Variants in DYNC2I1 observed in about 807,000 individuals in gnomAD.
The protein encoded by DYNC2I1 is cytoplasmic dynein 2 intermediate chain 1.
In DYNC2I1, 89 loss-of-function variants were observed where a neutral mutation model predicts 133.4. The ratio of observed to expected loss-of-function variants is 0.67; its 90% confidence interval spans 0.56 to 0.80. DYNC2I1 has a LOEUF of 0.80. Ranked by LOEUF, DYNC2I1 falls within the 30% of genes least tolerant of loss-of-function variation. The pLI is 0.00. For missense variants in DYNC2I1, 1,291 were observed against 1,314.5 expected (o/e 0.98, Z 0.28); for synonymous variants, 504 against 484.3 (o/e 1.04, Z -0.54).
Position 158,856,617 on chromosome 7 carries a change from C to T in DYNC2I1, c.-119C>T, listed in dbSNP as rs1841252810. The stretch of plus-strand genomic sequence containing the variant: ...TGGGCCCTCTGCTGCTCCTGCTTGT[C>T]GGTTGCTAGGCGCTGGGACGCGCCT... On this transcript the variant is annotated 5_prime_UTR_variant, in exon 1 of 25. Transcript: ENST00000407559. 18 of 1,070,378 alleles carry T rather than the reference C, an allele frequency of 1.7e-5. 1 individual carries two copies. The East Asian group carries it at 1.9e-4, about 12-fold the overall frequency. The allele number at this position is 1,070,378 out of a possible 1,614,324, so 66.3% of individuals were successfully genotyped here.
chr7:158,851,287 C>A, the DYNC2I1 span, among the ~76,000 whole-genome samples: 1 of 152,076 alleles, frequency 6.6e-6, no homozygotes, highest in Non-Finnish European at 1.5e-5. Flanking sequence ...AATCACAGCA[C>A]TTTGGGAGGC....
At chr7:158,879,586 T>A in intron 4 of DYNC2I1, 98 bp from the exon 5 acceptor site, 2 of 1,281,332 alleles carry the variant, frequency 1.6e-6, no homozygotes, top group Non-Finnish European at 2.1e-6. Context: ...TGATCCGTGG[T>A]TGGTTGGATC....
intron 3 of DYNC2I1, among the ~76,000 whole-genome samples, chr7:158,874,509 T>C (rs1229337973): frequency 6.6e-6 from 1 of 152,260 alleles, no homozygotes; most frequent in Non-Finnish European, 1.5e-5. Flanking sequence ...TGCCTGCTCA[T>C]TTTTTCAGTG....
At chr7:158,883,658 CTTTTTTTT>C (rs762388455) in intron 5 of DYNC2I1, among the ~76,000 whole-genome samples, 1 of 86,160 alleles carries the variant, frequency 1.2e-5, no homozygotes, top group African/African-American at 5.0e-5. Flanking sequence ...CCAGTGACTT[CTTTTTTTT>C]TTTTTTTTTT....
At chr7:158,931,015 G>A (rs540701982) in intron 21 of DYNC2I1, among the ~76,000 whole-genome samples, 98 of 152,262 alleles carry the variant, frequency 6.4e-4, no homozygotes, top group Admixed American at 2.0e-3. Context: ...CAGCTTCCAG[G>A]TGTAGAGCTA....
intron 11 of DYNC2I1, among the ~76,000 whole-genome samples, chr7:158,910,967 G>A (rs1355871395): frequency 6.7e-6 from 1 of 149,938 alleles, no homozygotes; most frequent in Admixed American, 6.6e-5. Context: ...GCGATTGGCT[G>A]TTTCAGGCCT....
chr7:158,906,551 C>T lies in DYNC2I1; in HGVS notation c.1460+460C>T, dbSNP rs537251407. 5.3e-5 allele frequency among the ~76,000 whole-genome samples: 8 copies of T among 152,224 alleles called. No individual in the cohort carries two copies. In the South Asian group the frequency reaches 6.2e-4, roughly 12 times the overall value. ...TTGGCTCACTGCAACCTCTGCCTCCCGGGTTCAAGTGATTCTTCTGTCTCA... is the reference window on the plus strand; with the variant it reads ...TTGGCTCACTGCAACCTCTGCCTCCTGGGTTCAAGTGATTCTTCTGTCTCA... On this transcript the variant is annotated intron_variant, in intron 11 of 24. Coordinates refer to ENST00000407559, the MANE Select transcript of DYNC2I1 (RefSeq NM_018051.5).
At chr7:158,926,915 AT>A in intron 19 of DYNC2I1, 76 bp from the exon 20 acceptor site, 3 of 1,101,030 alleles carry the variant, frequency 2.7e-6, no homozygotes, top group Non-Finnish European at 4.0e-6. Context: ...CTCCATCTTA[AT>A]TAGAGCTATG....
chr7:158,862,738 C>G (rs1396462208), intron 1 of DYNC2I1, among the ~76,000 whole-genome samples: 1 of 151,974 alleles, frequency 6.6e-6, no homozygotes, highest in African/African-American at 2.4e-5. Flanking sequence ...AAGAATGAAG[C>G]CACAGACCCT....
chr7:158,924,695 G>A (rs1300973562), intron 17 of DYNC2I1, among the ~76,000 whole-genome samples: 6 of 151,872 alleles, frequency 4.0e-5, no homozygotes, highest in African/African-American at 1.2e-4. Flanking sequence ...ATTCAGCACC[G>A]TTTTCAAAAA....
rs770859924 is a variant in DYNC2I1 at position 158,945,599 on chromosome 7, G to A, written c.3021G>A (p.Ala1007=). ...CCTGCAGGCTGGTGGCCATGGCTGC[G>A]GTGGGTGAGCCTGAGAAGGCTGGTG... ...VSPNRLVAMA[A]VGEPEKAGGS... The change falls in exon 25 of 25, where the codon GCG becomes GCA. Residue 1007 remains alanine, a synonymous_variant. Transcript: ENST00000407559. The surrounding 1 kb of genome is among the most constrained non-coding windows in gnomAD (Gnocchi z 4.1). The A allele has an allele frequency of 1.2e-5, 20 of 1,606,740 alleles. No homozygotes were observed. Among genetic ancestry groups the A allele is most frequent in the East Asian group, 6.7e-5 (3 of 44,594 alleles).
At chr7:158,952,845 C>G (rs1454716831) in intron 4 of DYNC2I1, among the ~76,000 whole-genome samples, 1 of 151,712 alleles carries the variant, frequency 6.6e-6, no homozygotes, top group Non-Finnish European at 1.5e-5. Flanking sequence ...GGACTCTCCT[C>G]AGCACCCTTC....
intron 5 of DYNC2I1, among the ~76,000 whole-genome samples, chr7:158,883,201 T>C (rs774105355): frequency 2.8e-4 from 42 of 150,514 alleles, no homozygotes; most frequent in Admixed American, 5.3e-4. Flanking sequence ...TTTCTCTATA[T>C]GATATTTTTT....
At chr7:158,876,354 T>G (rs1843357716) in intron 3 of DYNC2I1, among the ~76,000 whole-genome samples, 1 of 152,138 alleles carries the variant, frequency 6.6e-6, no homozygotes, top group South Asian at 2.1e-4. Context: ...GGACTACATT[T>G]CAGCGTGAGA....
the DYNC2I1 span, among the ~76,000 whole-genome samples, chr7:158,849,877 C>A: frequency 6.6e-6 from 1 of 152,226 alleles, no homozygotes. Flanking sequence ...AAGGGCAGCC[C>A]AAAAGAGGCA....
At chr7:158,897,782 A>G (rs1012054581) in intron 8 of DYNC2I1, among the ~76,000 whole-genome samples, 3 of 152,058 alleles carry the variant, frequency 2.0e-5, no homozygotes, top group Non-Finnish European at 4.4e-5. Context: ...TTTTCTGCTT[A>G]CTTCAGATTT....
intron 10 of DYNC2I1, chr7:158,904,681 T>G (rs1846580667): frequency 6.5e-6 from 1 of 152,802 alleles, no homozygotes; most frequent in South Asian, 2.1e-4. Flanking sequence ...AAATGTGGCC[T>G]CCTGTGGTCT....
rs185461353 is a variant in DYNC2I1, at chr7:158,862,602, C to T, written c.15+5852C>T. Among the ~76,000 whole-genome samples the T allele has an allele frequency of 1.6e-4, 24 of 150,450 alleles. 1 individual carries two copies. The highest frequency in any genetic ancestry group is 1.5e-3 in the Admixed American group (23 of 15,100). Reference sequence around the variant, plus strand: ...GGGCATGGTGGTGCATTTCTGTAGCCCCAGCTACTCAGGAGGCTGAGGTGG... The same window carrying T: ...GGGCATGGTGGTGCATTTCTGTAGCTCCAGCTACTCAGGAGGCTGAGGTGG... On this transcript the variant is annotated intron_variant, in intron 1 of 24. Coordinates refer to ENST00000407559, the MANE Select transcript of DYNC2I1 (RefSeq NM_018051.5).
intron 11 of DYNC2I1, among the ~76,000 whole-genome samples, chr7:158,909,786 G>A (rs185702161): frequency 6.6e-6 from 1 of 152,300 alleles, no homozygotes; most frequent in East Asian, 1.9e-4. Flanking sequence ...AGAAAGATCT[G>A]ATGGCCTAGG....
Sources: gnomAD v4.1 joint callset for allele counts (sites outside exome capture counted in the v4.1 genomes callset) on GRCh38, gnomAD v4.1.1 for gene constraint, Gnocchi (gnomAD v3.1) non-coding constraint, MANE v1.5 for transcripts, NCBI Gene and HGNC (gene_info 2026-07-23, HGNC 2026-07-21) for gene names.